Variants in SCRN3 observed in about 807,000 individuals in gnomAD.
SCRN3 encodes the protein secernin-3.
Under a neutral mutation model 43.1 loss-of-function variants are expected in SCRN3, and 39 were observed. The observed-to-expected ratio is 0.91, with a 90% CI of 0.70 to 1.18. The LOEUF is 1.18. SCRN3 is among the 50% of genes most tolerant of loss of function. SCRN3 has a pLI of 0.00. For missense variants in SCRN3, 484 were observed against 498.0 expected (o/e 0.97, Z 0.27); for synonymous variants, 147 against 163.1 (o/e 0.90, Z 0.75).
chr2:174,415,723 C>T (rs1574663222), intron 5 of SCRN3, among the ~76,000 whole-genome samples: 1 of 152,184 alleles, frequency 6.6e-6, no homozygotes, highest in Non-Finnish European at 1.5e-5. Context: ...CAGCTCACTG[C>T]AACCTCTGCC....
intron 5 of SCRN3, among the ~76,000 whole-genome samples, chr2:174,422,282 G>A (rs911441915): frequency 2.6e-5 from 4 of 151,980 alleles, no homozygotes; most frequent in African/African-American, 2.4e-5. Flanking sequence ...TTTAAAATTA[G>A]CAGGCATAGG....
intron 5 of SCRN3, among the ~76,000 whole-genome samples, chr2:174,416,706 C>G (rs559239351): frequency 3.0e-4 from 45 of 152,268 alleles, no homozygotes; most frequent in African/African-American, 1.1e-3. Context: ...GAGTGAGACT[C>G]TAGAATAAAG....
chr2:174,427,682 T>C, intron 7 of SCRN3, 31 bp from the exon 8 acceptor site: 9 of 1,414,578 alleles, frequency 6.4e-6, no homozygotes, highest in Non-Finnish European at 8.8e-6. Flanking sequence ...TATATGTATA[T>C]GTGTTTATCT....
At chr2:174,422,162 A>T (rs1179544802) in intron 5 of SCRN3, among the ~76,000 whole-genome samples, 1 of 152,164 alleles carries the variant, frequency 6.6e-6, no homozygotes, top group East Asian at 1.9e-4. Context: ...ACAGTGGCTC[A>T]TTTCTGTAAT....
At position 174,399,960 on chromosome 2, in the gene SCRN3, T is replaced by C. The variant is rs1685448167; in HGVS notation, c.198T>C (p.Tyr66=). The part of the protein sequence containing the change: ...YIEIDQVPET[Y]AVVLSRPAWL... ...AAATTGATCAAGTTCCTGAAACATATGCTGTTGTCCTGAGTCGCCCAGCGT... is the reference window on the plus strand; with the variant it reads ...AAATTGATCAAGTTCCTGAAACATACGCTGTTGTCCTGAGTCGCCCAGCGT... Residue 66 remains tyrosine, a synonymous_variant, in exon 3 of 8, where the codon TAT becomes TAC. Transcript: ENST00000272732. The C allele has an allele frequency of 1.9e-6, 3 of 1,557,732 alleles. No homozygotes were observed. The highest frequency in any genetic ancestry group is 2.6e-6 in the Non-Finnish European group (3 of 1,159,344).
At chr2:174,404,404 T>G (rs1685618041) in intron 5 of SCRN3, 89 bp downstream of exon 5, 2 of 800,866 alleles carry the variant, frequency 2.5e-6, no homozygotes, top group African/African-American at 3.5e-5. Flanking sequence ...TTTGGGGAAT[T>G]ATAATTAGTA....
intron 2 of SCRN3, 118 bp from the exon 3 acceptor site, chr2:174,399,802 ATT>A (rs1162302538): frequency 1.7e-6 from 1 of 605,038 alleles, no homozygotes; most frequent in Non-Finnish European, 2.5e-6. Context: ...ATTTACTTAT[ATT>A]TCCTTTACCT....
In SCRN3 at chr2:174,399,992, G is replaced by T. The variant is rs932611381; in HGVS notation, c.230G>T (p.Trp77Leu). 15 of 1,596,482 alleles carry T rather than the reference G, an allele frequency of 9.4e-6. No individual in the cohort carries two copies. Among genetic ancestry groups the T allele is most frequent in the African/African-American group, 1.4e-5 (1 of 73,118 alleles). The change falls in exon 3 of 8, where the codon TGG (tryptophan) becomes TTG (leucine). Residue 77 changes from tryptophan to leucine, a missense_variant. Coordinates refer to ENST00000272732, the MANE Select transcript of SCRN3 (RefSeq NM_024583.5). ...GTCCTGAGTCGCCCAGCGTGGTTGTGGGGGGCAGAAATGGGAGCCAATGAG... is the reference window on the plus strand; with the variant it reads ...GTCCTGAGTCGCCCAGCGTGGTTGTTGGGGGCAGAAATGGGAGCCAATGAG... ...AVVLSRPAWLWGAEMGANEHG... is the reference protein window; with the variant it reads ...AVVLSRPAWLLGAEMGANEHG...
At chr2:174,396,729 C>T (rs1685326936) in intron 1 of SCRN3, among the ~76,000 whole-genome samples, 1 of 150,850 alleles carries the variant, frequency 6.6e-6, no homozygotes, top group African/African-American at 2.4e-5. Flanking sequence ...ACGCGGGAGG[C>T]GGAGGTTGCA....
chr2:174,405,817 A>G (rs1685674479), intron 5 of SCRN3, among the ~76,000 whole-genome samples: 2 of 150,366 alleles, frequency 1.3e-5, no homozygotes, highest in African/African-American at 4.9e-5. Flanking sequence ...ATTGATCTAT[A>G]TCTCTGTTTT....
At chr2:174,401,269 G>C in intron 4 of SCRN3, 80 bp downstream of exon 4, 1 of 1,064,792 alleles carries the variant, frequency 9.4e-7, no homozygotes, top group Admixed American at 2.1e-5. Context: ...GCATTTAATT[G>C]CTTCCAAGAT....
chr2:174,415,926 C>A (rs140015543), intron 5 of SCRN3, among the ~76,000 whole-genome samples: 1 of 152,070 alleles, frequency 6.6e-6, no homozygotes, highest in African/African-American at 2.4e-5. Context: ...ATTACAGGTG[C>A]GAGCCATTGT....
At chr2:174,408,695 T>G (rs2105585284) in intron 5 of SCRN3, among the ~76,000 whole-genome samples, 1 of 140,844 alleles carries the variant, frequency 7.1e-6, no homozygotes, top group South Asian at 2.3e-4. Context: ...CTGTAAAGTA[T>G]TTTATTTCTC....
intron 3 of SCRN3, 81 bp from the exon 4 acceptor site, chr2:174,400,909 A>G (rs765257382): frequency 8.2e-6 from 10 of 1,213,634 alleles, no homozygotes; most frequent in Non-Finnish European, 1.1e-5. Flanking sequence ...TTTGAATCTA[A>G]AAAATCTCAT....
chr2:174,409,413 C>T (rs1217246881), intron 5 of SCRN3, among the ~76,000 whole-genome samples: 43 of 147,020 alleles, frequency 2.9e-4, no homozygotes, highest in Non-Finnish European at 4.9e-4. Context: ...AATGTCCTCC[C>T]GTAGCTCAGA....
chr2:174,427,000 T>G (rs993174553), intron 7 of SCRN3, among the ~76,000 whole-genome samples: 20 of 151,780 alleles, frequency 1.3e-4, no homozygotes, highest in Non-Finnish European at 2.5e-4. Context: ...GCCCAGCTAA[T>G]TTTTGTATTT....
At position 174,428,241 on chromosome 2, in the gene SCRN3, T is replaced by G. The variant is rs1274838450; in HGVS notation, c.*346T>G. The G allele has an allele frequency of 6.4e-6, 1 of 155,744 alleles. No homozygotes were observed. The highest frequency in any genetic ancestry group is 2.4e-5 in the African/African-American group (1 of 41,646). 9.6% of individuals were successfully genotyped at this position (155,744 alleles called of 1,614,324 possible). On this transcript the variant is annotated 3_prime_UTR_variant, in exon 8 of 8. Coordinates refer to ENST00000272732, the MANE Select transcript of SCRN3 (RefSeq NM_024583.5). ...AAATGACGCATGGATTTATATTTAT[T>G]ATAATTATGTAGTACCCTCAAATCA...
chr2:174,414,765 CTTTTTTTT>C (rs553055709), intron 5 of SCRN3, among the ~76,000 whole-genome samples: 5 of 131,192 alleles, frequency 3.8e-5, no homozygotes, highest in African/African-American at 1.4e-4. Flanking sequence ...TTTCTATTTT[CTTTTTTTT>C]TTTTTTTTGA....
intron 5 of SCRN3, among the ~76,000 whole-genome samples, chr2:174,414,455 C>G (rs929718702): frequency 1.3e-5 from 2 of 152,084 alleles, no homozygotes; most frequent in Non-Finnish European, 2.9e-5. Flanking sequence ...GCTATTTACA[C>G]TTTTCTCCAC....
Sources: allele counts gnomAD v4.1 joint callset (sites outside exome capture counted in the v4.1 genomes callset), GRCh38; gene constraint gnomAD v4.1.1; transcripts MANE v1.5; gene names NCBI Gene and HGNC (gene_info 2026-07-23, HGNC 2026-07-21).